Variants in ZNF831 observed in about 807,000 individuals in gnomAD.
The protein encoded by ZNF831 is zinc finger protein 831, also known as chromosome 20 open reading frame 174.
In ZNF831, 59 loss-of-function variants were observed where a neutral mutation model predicts 95.8. That is an observed-to-expected ratio of 0.62 (90% CI 0.50 to 0.77). The LOEUF is 0.77. ZNF831 is among the 30% of genes least tolerant of loss of function. The probability of loss-of-function intolerance (pLI) is 0.00; values close to 1 mark genes in which losing one functional copy is unlikely to be tolerated. For synonymous variants in ZNF831, 961 were observed against 925.5 expected (o/e 1.04, Z -0.70); for missense variants, 2,205 against 2,164.0 (o/e 1.02, Z -0.38).
At chr20:59,190,053 G>T (rs1393884466) in intron 1 of ZNF831, among the ~76,000 whole-genome samples, 3 of 152,146 alleles carry the variant, frequency 2.0e-5, no homozygotes, top group Non-Finnish European at 4.4e-5. Flanking sequence ...GACCTCTCTT[G>T]CTCCCTCCCC....
At chr20:59,133,616 G>A (rs1979412771) in intron 1 of ZNF831, among the ~76,000 whole-genome samples, 1 of 152,128 alleles carries the variant, frequency 6.6e-6, no homozygotes, top group Admixed American at 6.5e-5. Context: ...TTGGGTTATG[G>A]GTGTAGGGCT....
chr20:59,242,341 C>T (rs1392421809), intron 4 of ZNF831, among the ~76,000 whole-genome samples: 1 of 152,128 alleles, frequency 6.6e-6, no homozygotes, highest in Non-Finnish European at 1.5e-5. Context: ...TGAACTCATC[C>T]AGTATTGAGA....
In ZNF831 at chr20:59,199,037, A is replaced by G. The variant is rs1007312826; in HGVS notation, c.3875+3032A>G. Among the ~76,000 whole-genome samples the G allele has an allele frequency of 2.1e-5, 3 of 145,696 alleles. No homozygotes were observed. In the East Asian group the frequency reaches 6.1e-4, roughly 30 times the overall value. ...TATGTTTGTAGATATTTATCTGTCC[A>G]TCTGCCCACCCACCCACCCACCCAT... On this transcript the variant is annotated intron_variant, in intron 3 of 5. Transcript: ENST00000371030.
At chr20:59,144,136 T>A (rs1979764678) in intron 1 of ZNF831, among the ~76,000 whole-genome samples, 2 of 152,224 alleles carry the variant, frequency 1.3e-5, no homozygotes, top group Admixed American at 1.3e-4. Flanking sequence ...GCTAGCTTTC[T>A]CTTTTTTTCA....
intron 2 of ZNF831, among the ~76,000 whole-genome samples, chr20:59,154,135 A>C (rs1464723570): frequency 6.6e-6 from 1 of 152,324 alleles, no homozygotes; most frequent in East Asian, 1.9e-4. Flanking sequence ...ACGAGCCAAG[A>C]TTCACCTAAA....
chr20:59,242,879 C>T (rs1275557976), intron 4 of ZNF831, among the ~76,000 whole-genome samples: 1 of 152,148 alleles, frequency 6.6e-6, no homozygotes, highest in Non-Finnish European at 1.5e-5. Context: ...AGGCTGGTCA[C>T]CTCAGACTCT....
chr20:59,124,544 C>T (rs2146430409), intron 1 of ZNF831, among the ~76,000 whole-genome samples: 1 of 152,316 alleles, frequency 6.6e-6, no homozygotes, highest in South Asian at 2.1e-4. Flanking sequence ...TGGGGGATTA[C>T]AGATGTACCT....
rs61743782 is a variant in ZNF831, at chr20:59,192,905, A to G, written c.1886A>G (p.Lys629Arg). Residue 629 changes from lysine to arginine, a missense_variant, in exon 2 of 6, where the codon AAA becomes AGA. Coordinates refer to ENST00000371030, the MANE Select transcript of ZNF831 (RefSeq NM_178457.3). The surrounding 1 kb of genome is among the most constrained non-coding windows in gnomAD (Gnocchi z 5.2). ...KWQVYGDETFKRIYQKMKASP... is the reference protein window; with the variant it reads ...KWQVYGDETFRRIYQKMKASP... ...CAGGTGTACGGGGATGAGACGTTCA[A>G]AAGGATCTACCAGAAAATGAAAGCC... 5.0e-3 allele frequency: 8,046 copies of G among 1,597,960 alleles called. 365 individuals are homozygous for G. In the African/African-American group the frequency reaches 0.095, roughly 19 times the overall value.
chr20:59,130,829 C>A (rs1979328939), intron 1 of ZNF831, among the ~76,000 whole-genome samples: 1 of 152,108 alleles, frequency 6.6e-6, no homozygotes, highest in South Asian at 2.1e-4. Flanking sequence ...TTTCAGGACT[C>A]AGGAACCTAG....
intron 2 of ZNF831, among the ~76,000 whole-genome samples, chr20:59,148,135 T>C (rs1260637401): frequency 6.6e-6 from 1 of 152,230 alleles, no homozygotes; most frequent in Non-Finnish European, 1.5e-5. Context: ...AATTGTTAAG[T>C]GCCGTTGGTC....
In ZNF831 at chr20:59,192,151, G is replaced by C. The variant is rs1200637595; in HGVS notation, c.1132G>C (p.Gly378Arg). The C allele has an allele frequency of 6.4e-7, 1 of 1,555,164 alleles. No homozygotes were observed. Among genetic ancestry groups the C allele is most frequent in the East Asian group, 2.3e-5 (1 of 43,516 alleles). ...EHSAESEGEG[G>R]PGPGPGVAGA... The stretch of plus-strand genomic sequence containing the variant: ...CAGCGCCGAGTCCGAGGGGGAGGGC[G>C]GCCCGGGCCCGGGGCCAGGGGTCGC... The change falls in exon 2 of 6, where the codon GGC becomes CGC. Residue 378 changes from glycine (G) to arginine (R), a missense_variant. By Grantham distance (125) the Gly-to-Arg change is moderately radical. Transcript: ENST00000371030. This position sits in a 1 kb window ranked among gnomAD's most constrained non-coding sequence, Gnocchi z 5.2.
chr20:59,167,654 A>G (rs757666081), intron 1 of ZNF831, among the ~76,000 whole-genome samples: 2 of 152,004 alleles, frequency 1.3e-5, no homozygotes, highest in Non-Finnish European at 2.9e-5. Context: ...GGTTTAGGTC[A>G]AGGTTTTTTT....
chr20:59,171,249 A>G (rs981783834), intron 1 of ZNF831, among the ~76,000 whole-genome samples: 4 of 152,072 alleles, frequency 2.6e-5, no homozygotes, highest in African/African-American at 9.7e-5. Flanking sequence ...TCCTGCAATG[A>G]CCCTCCAACA....
rs1568759370 is a variant in ZNF831 at position 59,194,438 on chromosome 20, C to A, written c.3419C>A (p.Pro1140His). Residue 1140 changes from proline to histidine, a missense_variant, in exon 2 of 6, where the codon CCT becomes CAT. Transcript: ENST00000371030. ...PGSFLTALTR[P>H]QGVPPGWPEL... Reference sequence around the variant, plus strand: ...TCCTTCCTCACTGCCCTCACTCGGCCTCAGGGTGTGCCCCCAGGCTGGCCA... The same window carrying A: ...TCCTTCCTCACTGCCCTCACTCGGCATCAGGGTGTGCCCCCAGGCTGGCCA... 6.2e-7 allele frequency: 1 copy of A among 1,612,936 alleles called. No individual in the cohort carries two copies. The highest frequency in any genetic ancestry group is 1.1e-5 in the South Asian group (1 of 90,946).
chr20:59,134,105 G>A (rs1373497784), intron 1 of ZNF831, among the ~76,000 whole-genome samples: 1 of 152,204 alleles, frequency 6.6e-6, no homozygotes, highest in African/African-American at 2.4e-5. Context: ...GTGGCATTGA[G>A]GACCACCCCA....
chr20:59,159,173 C>G (rs1053984312), upstream of ZNF831, among the ~76,000 whole-genome samples: 1 of 151,998 alleles, frequency 6.6e-6, no homozygotes, highest in East Asian at 1.9e-4. Flanking sequence ...TGGTACAGCC[C>G]TTTACTTCAC....
rs1263351216 is a variant in ZNF831, at chr20:59,193,051, AC to A, written c.2036del (p.Pro679LeufsTer26). 6.3e-7 allele frequency: 1 copy of A among 1,577,044 alleles called. No individual in the cohort carries two copies. Among genetic ancestry groups the A allele is most frequent in the Non-Finnish European group, 8.6e-7 (1 of 1,162,450 alleles). On this transcript the variant is annotated frameshift_variant, in exon 2 of 6. Transcript: ENST00000371030. LOFTEE classifies it high-confidence loss of function. ...SGTVPTQDRR[T>X]PVHEDISAGA... ...CACAGTCCCCACCCAAGACAGGAGG[AC>A]CCCTGTCCATGAGGACATATCCGCA...
intron 4 of ZNF831, among the ~76,000 whole-genome samples, chr20:59,251,674 CT>C (rs1464562168): frequency 1.3e-5 from 2 of 152,150 alleles, no homozygotes; most frequent in Admixed American, 6.5e-5. Context: ...ACATGGTCCA[CT>C]TGGAGCAAAT....
Position 59,254,131 on chromosome 20 carries a change from CT to C in ZNF831, c.4425del (p.Phe1475LeufsTer25). The C allele has an allele frequency of 1.2e-6, 2 of 1,614,150 alleles. No homozygotes were observed. The highest frequency in any genetic ancestry group is 1.7e-6 in the Non-Finnish European group (2 of 1,180,030). The part of the protein sequence containing the change: ...IFSDAQRPSS[F>X]GSKGTFPHHD... ...TCTCAGATGCTCAAAGGCCTTCTTC[CT>C]TTGGGTCCAAAGGAACTTTTCCCCA... On this transcript the variant is annotated frameshift_variant, in exon 6 of 6. Coordinates refer to ENST00000371030, the MANE Select transcript of ZNF831 (RefSeq NM_178457.3). LOFTEE classifies it low-confidence loss of function (END_TRUNC). This position sits in a 1 kb window ranked among gnomAD's most constrained non-coding sequence, Gnocchi z 4.5.
Sources: gnomAD v4.1 joint callset for allele counts (sites outside exome capture counted in the v4.1 genomes callset) on GRCh38, gnomAD v4.1.1 for gene constraint, Gnocchi (gnomAD v3.1) non-coding constraint, MANE v1.5 for transcripts, NCBI Gene and HGNC (gene_info 2026-07-23, HGNC 2026-07-21) for gene names.